The following DNAAF4 variants were observed in gnomAD, a reference collection of about 807,000 sequenced individuals.
DNAAF4 encodes the protein dynein assembly factor 4, axonemal.
A neutral mutation model predicts 51.8 loss-of-function variants in DNAAF4; 43 were observed. The observed-to-expected ratio is 0.83, with a 90% CI of 0.65 to 1.07. The LOEUF (loss-of-function observed/expected upper bound fraction) is 1.07, where lower values mean the gene tolerates loss of function less well. DNAAF4 is among the 50% of genes least tolerant of loss of function. DNAAF4 has a pLI of 0.00. For synonymous variants in DNAAF4, 194 were observed against 165.6 expected (o/e 1.17, Z -1.32); for missense variants, 581 against 493.0 (o/e 1.18, Z -1.69).
intron 4 of DNAAF4, among the ~76,000 whole-genome samples, chr15:55,472,240 A>G (rs572306787): frequency 1.3e-5 from 2 of 152,340 alleles, no homozygotes; most frequent in Non-Finnish European, 2.9e-5. Flanking sequence ...TTTCAAAGAA[A>G]AATCATCTAA....
chr15:55,479,908 T>C (rs898621195), intron 4 of DNAAF4, among the ~76,000 whole-genome samples: 3 of 152,050 alleles, frequency 2.0e-5, no homozygotes, highest in Non-Finnish European at 2.9e-5. Flanking sequence ...TGTTCTGTTG[T>C]TTAAGATGTT....
At chr15:55,491,538 G>A (rs937394440) in intron 3 of DNAAF4, among the ~76,000 whole-genome samples, 1 of 149,892 alleles carries the variant, frequency 6.7e-6, no homozygotes, top group African/African-American at 2.5e-5. Flanking sequence ...GAGAGGGTGA[G>A]GATGAAGGTG....
intron 5 of DNAAF4, among the ~76,000 whole-genome samples, chr15:55,456,684 T>C (rs182558519): frequency 1.3e-5 from 2 of 152,252 alleles, no homozygotes; most frequent in Admixed American, 6.5e-5. Flanking sequence ...TGAAAAACCG[T>C]GAGTTCCCAA....
intron 7 of DNAAF4, among the ~76,000 whole-genome samples, chr15:55,438,008 C>T (rs1445153966): frequency 2.0e-5 from 3 of 152,146 alleles, no homozygotes; most frequent in Non-Finnish European, 4.4e-5. Flanking sequence ...ATATCTATAG[C>T]CGCCTCAAAA....
intron 5 of DNAAF4, among the ~76,000 whole-genome samples, chr15:55,463,572 T>C (rs1046139578): frequency 1.3e-5 from 2 of 152,136 alleles, no homozygotes; most frequent in Non-Finnish European, 2.9e-5. Flanking sequence ...AGATCTGATA[T>C]ATGAATTCAA....
chr15:55,467,162 C>G lies in DNAAF4; in HGVS notation c.406-1G>C. 2.0e-6 allele frequency: 3 copies of G among 1,528,722 alleles called. No individual in the cohort carries two copies. The highest frequency in any genetic ancestry group is 2.6e-6 in the Non-Finnish European group (3 of 1,137,062). 94.7% of individuals were successfully genotyped at this position (1,528,722 alleles called of 1,614,324 possible). A position where few individuals can be genotyped will look rare whatever the true frequency, so the allele number is the denominator to read the frequency against. ...TTTTTTTCCTCTCTTCTTCTTCAAT[C>G]TATAACAATTGCAATTACCAAATTC... On this transcript the variant is annotated splice_acceptor_variant, in intron 4 of 9. Coordinates refer to ENST00000321149, the MANE Select transcript of DNAAF4 (RefSeq NM_130810.4). LOFTEE classifies it high-confidence loss of function.
At chr15:55,440,392 T>A (rs114296098) in intron 6 of DNAAF4, among the ~76,000 whole-genome samples, 3,138 of 150,524 alleles carry the variant, frequency 0.021, 96 homozygotes, top group African/African-American at 0.069. Context: ...TATATATATA[T>A]TTTTGAGACG....
intron 1 of DNAAF4, among the ~76,000 whole-genome samples, chr15:55,501,803 G>C (rs1372047157): frequency 6.6e-6 from 1 of 151,774 alleles, no homozygotes; most frequent in African/African-American, 2.4e-5. Flanking sequence ...AGCACTTTGG[G>C]AGGCCGAGGC....
intron 8 of DNAAF4, among the ~76,000 whole-genome samples, chr15:55,433,943 A>T (rs1303885179): frequency 9.6e-5 from 1 of 10,436 alleles, no homozygotes; most frequent in African/African-American, 5.2e-4. Context: ...TAAAATATAT[A>T]TAATATATAT....
Position 55,432,599 on chromosome 15 carries a change from G to A in DNAAF4, c.1051C>T (p.Leu351=), listed in dbSNP as rs1039567036. Residue 351 remains leucine, a synonymous_variant, in exon 9 of 10, where the codon CTG becomes TTG. Coordinates refer to ENST00000321149, the MANE Select transcript of DNAAF4 (RefSeq NM_130810.4). The part of the protein sequence containing the change: ...HKAIEDSSKA[L]ELLMPPVTDN... ...GTAACAGGTGGCATCAATAATTCCA[G>A]TGCCTTACAAAATATATATAATTAT... is the stretch of plus-strand genomic sequence containing the variant. The A allele has an allele frequency of 5.6e-6, 9 of 1,607,624 alleles. No homozygotes were observed. Among genetic ancestry groups the A allele is most frequent in the Non-Finnish European group, 7.7e-6 (9 of 1,176,016 alleles).
At position 55,430,835 on chromosome 15, in the gene DNAAF4, T is replaced by C. The variant is rs913640838; in HGVS notation, c.1154-56A>G. ...AATAAATATTTTATTAGCACTTCTT[T>C]TATCTAGACAATAGTTGTTTAAAAT... is the stretch of plus-strand genomic sequence containing the variant. On this transcript the variant is annotated intron_variant, in intron 9 of 9. Transcript: ENST00000321149. 2.7e-5 allele frequency: 37 copies of C among 1,346,648 alleles called. 1 individual carries two copies. The highest frequency in any genetic ancestry group is 2.0e-4 in the Admixed American group (11 of 54,908). 83.4% of individuals were successfully genotyped at this position (1,346,648 alleles called of 1,614,324 possible). A position where few individuals can be genotyped will look rare whatever the true frequency, so the allele number is the denominator to read the frequency against.
chr15:55,476,170 T>A (rs753073077), intron 4 of DNAAF4, among the ~76,000 whole-genome samples: 2 of 152,102 alleles, frequency 1.3e-5, no homozygotes, highest in East Asian at 1.9e-4. Flanking sequence ...TACACTTTTT[T>A]AAAAAAGGGC....
intron 5 of DNAAF4, among the ~76,000 whole-genome samples, chr15:55,466,518 AG>A (rs2058172917): frequency 6.6e-6 from 1 of 152,232 alleles, no homozygotes; most frequent in South Asian, 2.1e-4. Context: ...GTCTGCTTAT[AG>A]TACTCATTTT....
chr15:55,425,256 A>G (rs2057420646), intron 7 of DNAAF4, among the ~76,000 whole-genome samples: 1 of 152,202 alleles, frequency 6.6e-6, no homozygotes. Context: ...ATCACCCTTG[A>G]TATTTGACCA....
chr15:55,428,236 G>A (rs1300945462), downstream of DNAAF4, among the ~76,000 whole-genome samples: 1 of 152,122 alleles, frequency 6.6e-6, no homozygotes, highest in African/African-American at 2.4e-5. Context: ...TTATGGGCAT[G>A]AGCCACCATG....
At position 55,497,859 on chromosome 15, in the gene DNAAF4, C is replaced by T; in HGVS notation, c.124G>A (p.Val42Ile). 6.2e-7 allele frequency: 1 copy of T among 1,608,874 alleles called. No individual in the cohort carries two copies. Among genetic ancestry groups the T allele is most frequent in the Non-Finnish European group, 8.5e-7 (1 of 1,178,372 alleles). ...DVFCTENYLKVNFPPFLFEAF... is the reference protein window; with the variant it reads ...DVFCTENYLKINFPPFLFEAF... Reference sequence around the variant, plus strand: ...TCAAATAAAAATGGAGGAAAGTTGACCTATGCAGAAGGGTGAAAACAGAAA... The same window carrying T: ...TCAAATAAAAATGGAGGAAAGTTGATCTATGCAGAAGGGTGAAAACAGAAA... Residue 42 changes from valine (V) to isoleucine (I), a missense_variant and splice_region_variant, in exon 3 of 10, where the codon GTC (valine) becomes ATC (isoleucine). By Grantham distance (29) the Val-to-Ile change is conservative. Transcript: ENST00000321149.
At chr15:55,450,426 A>G in intron 5 of DNAAF4, 59 bp from the exon 6 acceptor site, 2 of 1,547,458 alleles carry the variant, frequency 1.3e-6, no homozygotes, top group South Asian at 1.2e-5. Flanking sequence ...TTAACAATCA[A>G]CTGATAAAGT....
At chr15:55,419,073 C>T (rs8043435) in intron 7 of DNAAF4, among the ~76,000 whole-genome samples, 3,199 of 152,134 alleles carry the variant, frequency 0.021, 98 homozygotes, top group African/African-American at 0.07. Context: ...CTCGCCACTA[C>T]ACCCAGCTAA....
chr15:55,493,150 A>G (rs2058596766), intron 3 of DNAAF4, among the ~76,000 whole-genome samples: 1 of 152,144 alleles, frequency 6.6e-6, no homozygotes, highest in Admixed American at 6.6e-5. Flanking sequence ...CATCTACAGG[A>G]AAGTGAGCCC....
Sources: gnomAD v4.1 joint callset for allele counts (sites outside exome capture counted in the v4.1 genomes callset) on GRCh38, gnomAD v4.1.1 for gene constraint, MANE v1.5 for transcripts, NCBI Gene and HGNC (gene_info 2026-07-23, HGNC 2026-07-21) for gene names.